The following BRIP1 variants were observed in gnomAD, a reference collection of about 807,000 sequenced individuals.
The protein encoded by BRIP1 is BRCA1 interacting DNA helicase 1.
Under a neutral mutation model 119.7 loss-of-function variants are expected in BRIP1, and 88 were observed. The observed-to-expected ratio is 0.74, with a 90% CI of 0.62 to 0.88. The LOEUF is 0.88. BRIP1 is among the 40% of genes least tolerant of loss of function. The probability of loss-of-function intolerance (pLI) is 0.00; values close to 1 mark genes in which losing one functional copy is unlikely to be tolerated. For synonymous variants in BRIP1, 443 were observed against 496.5 expected, an observed-to-expected ratio of 0.89 and a Z score of 1.43; for missense variants, 1,259 against 1,455.4, an observed-to-expected ratio of 0.87 and a Z score of 2.20.
Position 61,701,904 on chromosome 17 carries a change from C to A in BRIP1, c.2493-8392G>T, listed in dbSNP as rs1277691503. Among the ~76,000 whole-genome samples, 2 of 152,186 alleles carry A rather than the reference C, an allele frequency of 1.3e-5. No homozygotes were observed. The highest frequency in any genetic ancestry group is 2.9e-5 in the Non-Finnish European group (2 of 68,034). On this transcript the variant is annotated intron_variant, in intron 17 of 19. Transcript: ENST00000259008. The surrounding 1 kb of genome is among the most constrained non-coding windows in gnomAD (Gnocchi z 5.1). The stretch of plus-strand genomic sequence containing the variant: ...AGACCTGTTTTGCTCCCTCCAATGA[C>A]TGTCAGGTTGTTGGCTTTCCTCACG...
intron 14 of BRIP1, among the ~76,000 whole-genome samples, chr17:61,771,960 T>TCAAAAAAACAAACAAACAAAAAA (rs2077455083): frequency 6.6e-6 from 1 of 151,564 alleles, no homozygotes; most frequent in Non-Finnish European, 1.5e-5. Flanking sequence ...AGACTCCATC[T>TCAAAAAAACAAACAAACAAAAAA]CAAAAAAAGA....
In BRIP1 at chr17:61,755,351, G is replaced by A. The variant is rs2077186703; in HGVS notation, c.2098-10760C>T. Among the ~76,000 whole-genome samples the A allele has an allele frequency of 6.6e-6, 1 of 152,046 alleles. No homozygotes were observed. On this transcript the variant is annotated intron_variant, in intron 14 of 19. Transcript: ENST00000259008. This position sits in a 1 kb window ranked among gnomAD's most constrained non-coding sequence, Gnocchi z 4.5. ...GAGGCTGGAGGATCACTTGAGCCCA[G>A]GAGTTCAAGACCAGCCTGGGCAACT...
intron 17 of BRIP1, among the ~76,000 whole-genome samples, chr17:61,698,361 A>G (rs2061559904): frequency 6.6e-6 from 1 of 152,122 alleles, no homozygotes; most frequent in Non-Finnish European, 1.5e-5. Context: ...AATGATTTCA[A>G]CCTCTTAACA....
At chr17:61,715,810 A>C (rs552962647) in intron 17 of BRIP1, 141 bp downstream of exon 17, 1 of 489,820 alleles carries the variant, frequency 2.0e-6, no homozygotes, top group East Asian at 3.3e-5. Flanking sequence ...TGTGACAGCT[A>C]TCATTGAATA....
chr17:61,749,455 C>G (rs1340837144), intron 14 of BRIP1, among the ~76,000 whole-genome samples: 2 of 151,948 alleles, frequency 1.3e-5, no homozygotes, highest in Non-Finnish European at 2.9e-5. Context: ...ATAGACAGTT[C>G]TCCAAAGAAG....
Position 61,705,843 on chromosome 17 carries a change from A to G in BRIP1, c.2492+10108T>C, listed in dbSNP as rs1369105463. On this transcript the variant is annotated intron_variant, in intron 17 of 19. Transcript: ENST00000259008. The surrounding 1 kb of genome is among the most constrained non-coding windows in gnomAD (Gnocchi z 5.0). ...TTAGAAATATGCTGCTTAATTTCCA[A>G]GTATTTGGACATTTTTCTGTTATTG... Among the ~76,000 whole-genome samples, 5 of 152,084 alleles carry G rather than the reference A, an allele frequency of 3.3e-5. No individual in the cohort carries two copies. The highest frequency in any genetic ancestry group is 1.2e-4 in the African/African-American group (5 of 41,430).
rs12937080 is a variant in BRIP1 at position 61,852,376 on chromosome 17, A to G, written c.380-3120T>C. On this transcript the variant is annotated intron_variant, in intron 4 of 19. Coordinates refer to ENST00000259008, the MANE Select transcript of BRIP1 (RefSeq NM_032043.3). The surrounding 1 kb of genome is among the most constrained non-coding windows in gnomAD (Gnocchi z 4.9). ...TCAAGAAACCTAAGAAATACCCAAT[A>G]GAAAAATGGAGGCTGGGCACGGTGG... 0.022 allele frequency among the ~76,000 whole-genome samples: 3,363 copies of G among 152,250 alleles called. 60 individuals carry two copies. Among genetic ancestry groups the G allele is most frequent in the Middle Eastern group, 0.054 (16 of 294 alleles).
At position 61,789,764 on chromosome 17, in the gene BRIP1, GA is replaced by G. The variant is rs1390224844; in HGVS notation, c.1473+3832del. 6.6e-6 allele frequency among the ~76,000 whole-genome samples: 1 copy of G among 152,102 alleles called. No individual in the cohort carries two copies. Among genetic ancestry groups the G allele is most frequent in the African/African-American group, 2.4e-5 (1 of 41,428 alleles). On this transcript the variant is annotated intron_variant, in intron 10 of 19. Transcript: ENST00000259008. The surrounding 1 kb of genome is among the most constrained non-coding windows in gnomAD (Gnocchi z 4.8). ...TACACAATATATTGTTAAATTAAAA[GA>G]GGGTAAAACAAATGTGTCATATCAG...
At position 61,847,210 on chromosome 17, in the gene BRIP1, C is replaced by G. The variant is rs761432927; in HGVS notation, c.518G>C (p.Arg173Pro). 6.2e-7 allele frequency: 1 copy of G among 1,613,710 alleles called. No homozygotes were observed. Among genetic ancestry groups the G allele is most frequent in the Non-Finnish European group, 8.5e-7 (1 of 1,179,768 alleles). ...GTGTACTTCTGTTCCAAAGCAATGA[C>G]GTTTTCTAATCTGTAAACACAGAAC... is the stretch of plus-strand genomic sequence containing the variant. ...PLETTQQIRK[R>P]HCFGTEVHNL... The change falls in exon 6 of 20, where the codon CGT becomes CCT. Residue 173 changes from arginine to proline, a missense_variant. This residue lies in a region of BRIP1 where 501 missense variants were observed against 544.0 expected (regional missense o/e 0.92). Coordinates refer to ENST00000259008, the MANE Select transcript of BRIP1 (RefSeq NM_032043.3).
rs898823671 is a variant in BRIP1 at position 61,846,916 on chromosome 17, G to A, written c.627+185C>T. On this transcript the variant is annotated intron_variant, in intron 6 of 19. Transcript: ENST00000259008. This position sits in a 1 kb window ranked among gnomAD's most constrained non-coding sequence, Gnocchi z 4.3. Reference sequence around the variant, plus strand: ...TCTCTTATTTTATAAATAAGGAAACGAGGCATAGAGAGAATAGGCTTTGCC... The same window carrying A: ...TCTCTTATTTTATAAATAAGGAAACAAGGCATAGAGAGAATAGGCTTTGCC... Among the ~76,000 whole-genome samples the A allele has an allele frequency of 2.0e-5, 3 of 152,142 alleles. No homozygotes were observed. Among genetic ancestry groups the A allele is most frequent in the African/African-American group, 4.8e-5 (2 of 41,424 alleles).
chr17:61,731,965 C>T (rs376318573), intron 16 of BRIP1, among the ~76,000 whole-genome samples: 17 of 110,382 alleles, frequency 1.5e-4, no homozygotes, highest in African/African-American at 2.8e-4. Context: ...TTTTTCTTTT[C>T]TTTCTTTCTT....
rs2061581206 is a variant in BRIP1 at position 61,699,574 on chromosome 17, G to C, written c.2493-6062C>G. Among the ~76,000 whole-genome samples the C allele has an allele frequency of 2.0e-5, 3 of 152,048 alleles. No individual in the cohort carries two copies. The highest frequency in any genetic ancestry group is 3.2e-3 in the Middle Eastern group (1 of 316). On this transcript the variant is annotated intron_variant, in intron 17 of 19. Coordinates refer to ENST00000259008, the MANE Select transcript of BRIP1 (RefSeq NM_032043.3). The surrounding 1 kb of genome is among the most constrained non-coding windows in gnomAD (Gnocchi z 4.8). Reference sequence around the variant, plus strand: ...TTCTGTTCCCTCATCTGTCACCTTTGGGTTGTTATTGTCATATAAATTATA... The same window carrying C: ...TTCTGTTCCCTCATCTGTCACCTTTCGGTTGTTATTGTCATATAAATTATA...
intron 6 of BRIP1, among the ~76,000 whole-genome samples, chr17:61,819,080 G>A (rs1016658460): frequency 6.6e-6 from 1 of 151,750 alleles, no homozygotes; most frequent in Non-Finnish European, 1.5e-5. Context: ...CAGCTACTCA[G>A]GAGGCTGAGG....
intron 17 of BRIP1, among the ~76,000 whole-genome samples, chr17:61,714,194 A>G (rs1195314128): frequency 6.6e-6 from 1 of 152,106 alleles, no homozygotes; most frequent in Non-Finnish European, 1.5e-5. Flanking sequence ...TATTGAAAAA[A>G]TAAAAATAAA....
rs769585673 is a variant in BRIP1, at chr17:61,861,453, C to A, written c.87G>T (p.Met29Ile). ...YKAYPSQLAMMNSILRGLNSK... is the reference protein window; with the variant it reads ...YKAYPSQLAMINSILRGLNSK... ...ACTGCTGAAAAATACTTACAGAATT[C>A]ATCATAGCAAGCTGTGACGGGTAAG... is the stretch of plus-strand genomic sequence containing the variant. The change falls in exon 2 of 20, where the codon ATG (methionine) becomes ATT (isoleucine). Residue 29 changes from methionine (M) to isoleucine (I), a missense_variant. Met to Ile is a conservative substitution (Grantham distance 10). Transcript: ENST00000259008. This position sits in a 1 kb window ranked among gnomAD's most constrained non-coding sequence, Gnocchi z 4.5. The A allele has an allele frequency of 4.4e-6, 7 of 1,607,916 alleles. No homozygotes were observed. In the East Asian group the frequency reaches 1.6e-4, roughly 36 times the overall value.
rs1434065676 is a variant in BRIP1 at position 61,831,215 on chromosome 17, A to G, written c.627+15886T>C. ...TGTTTTCCACCACAAGGTTGTGAAC[A>G]AGGCAAGGGTATCCACTCTCATCAC... On this transcript the variant is annotated intron_variant, in intron 6 of 19. Coordinates refer to ENST00000259008, the MANE Select transcript of BRIP1 (RefSeq NM_032043.3). The surrounding 1 kb of genome is among the most constrained non-coding windows in gnomAD (Gnocchi z 4.1). Among the ~76,000 whole-genome samples, 1 of 152,214 alleles carries G rather than the reference A, an allele frequency of 6.6e-6. No homozygotes were observed. The highest frequency in any genetic ancestry group is 1.9e-4 in the East Asian group (1 of 5,198).
In BRIP1 at chr17:61,759,626, C is replaced by T. The variant is rs1280780297; in HGVS notation, c.2098-15035G>A. Among the ~76,000 whole-genome samples, 1 of 152,046 alleles carries T rather than the reference C, an allele frequency of 6.6e-6. No individual in the cohort carries two copies. ...GAGATATTGTAGGTTCAGTTTCAGACCACCACAATAAAGCAAATATCACAA... is the reference window on the plus strand; with the variant it reads ...GAGATATTGTAGGTTCAGTTTCAGATCACCACAATAAAGCAAATATCACAA... On this transcript the variant is annotated intron_variant, in intron 14 of 19. Transcript: ENST00000259008. The surrounding 1 kb of genome is among the most constrained non-coding windows in gnomAD (Gnocchi z 4.9).
intron 10 of BRIP1, among the ~76,000 whole-genome samples, chr17:61,784,696 GCT>G (rs1198553487): frequency 2.0e-5 from 3 of 152,244 alleles, no homozygotes; most frequent in African/African-American, 7.2e-5. Context: ...GTGAGTTAGT[GCT>G]CTGTTAGTTC....
chr17:61,732,861 T>G (rs1567770726), intron 16 of BRIP1, among the ~76,000 whole-genome samples: 2 of 152,026 alleles, frequency 1.3e-5, no homozygotes, highest in African/African-American at 2.4e-5. Flanking sequence ...CGGGGCTAAT[T>G]TTTTGTGTTT....
Sources: gnomAD v4.1 joint callset for allele counts (sites outside exome capture counted in the v4.1 genomes callset) on GRCh38, gnomAD v4.1.1 for gene constraint, gnomAD v4.1.1 regional missense constraint, Gnocchi (gnomAD v3.1) non-coding constraint, MANE v1.5 for transcripts, NCBI Gene and HGNC (gene_info 2026-07-23, HGNC 2026-07-21) for gene names.